Variants in FGF14 observed in about 807,000 individuals in gnomAD.
FGF14 encodes the protein fibroblast growth factor homologous factor 4.
Under a neutral mutation model 25.5 loss-of-function variants are expected in FGF14, and 5 were observed. That is an observed-to-expected ratio of 0.20 (90% CI 0.10 to 0.41). FGF14 has a LOEUF of 0.41. Among genes scored for constraint, FGF14 ranks in the 10% least tolerant of loss-of-function variants. The probability of loss-of-function intolerance (pLI) is 1.00; values close to 1 mark genes in which losing one functional copy is unlikely to be tolerated. For synonymous variants in FGF14, 138 were observed against 118.3 expected, an observed-to-expected ratio of 1.17 and a Z score of -1.08; for missense variants, 222 against 320.1, an observed-to-expected ratio of 0.69 and a Z score of 2.34.
At chr13:102,273,256 A>C (rs1403723539) in intron 1 of FGF14, among the ~76,000 whole-genome samples, 1 of 152,192 alleles carries the variant, frequency 6.6e-6, no homozygotes, top group Non-Finnish European at 1.5e-5. Flanking sequence ...AATAATAGCA[A>C]ACCACTGATC....
intron 1 of FGF14, among the ~76,000 whole-genome samples, chr13:102,126,506 T>A (rs2140389079): frequency 6.6e-6 from 1 of 152,338 alleles, no homozygotes; most frequent in Non-Finnish European, 1.5e-5. Context: ...TTGGCTACTG[T>A]GAATAATGCT....
intron 1 of FGF14, among the ~76,000 whole-genome samples, chr13:102,215,134 A>T (rs1269035085): frequency 6.6e-6 from 1 of 152,212 alleles, no homozygotes; most frequent in Non-Finnish European, 1.5e-5. Context: ...TTTGGTTCAT[A>T]TGCAAATTAT....
At chr13:102,268,497 T>C (rs946493950) in intron 1 of FGF14, among the ~76,000 whole-genome samples, 2 of 152,026 alleles carry the variant, frequency 1.3e-5, no homozygotes, top group African/African-American at 2.4e-5. Context: ...TATATACATA[T>C]ATAATGTTGT....
At chr13:101,985,627 G>A (rs558540792) in intron 1 of FGF14, among the ~76,000 whole-genome samples, 2 of 152,066 alleles carry the variant, frequency 1.3e-5, no homozygotes, top group East Asian at 3.9e-4. Flanking sequence ...AAGAGTCTAC[G>A]GTTGTAATAA....
chr13:102,072,783 A>G (rs1248142255), intron 1 of FGF14, among the ~76,000 whole-genome samples: 1 of 152,214 alleles, frequency 6.6e-6, no homozygotes, highest in Non-Finnish European at 1.5e-5. Context: ...AAAACAAAGA[A>G]GTTAGGAAAT....
At chr13:101,982,330 C>A (rs962314943) in intron 1 of FGF14, among the ~76,000 whole-genome samples, 3 of 152,094 alleles carry the variant, frequency 2.0e-5, no homozygotes, top group Admixed American at 6.6e-5. Flanking sequence ...CACAGAAATT[C>A]TTTCTCAAAT....
intron 3 of FGF14, among the ~76,000 whole-genome samples, chr13:101,861,407 T>C (rs1361336952): frequency 5.9e-5 from 9 of 152,146 alleles, no homozygotes; most frequent in African/African-American, 2.2e-4. Context: ...TACCTAGTTC[T>C]AAGCCAGTCT....
intron 1 of FGF14, among the ~76,000 whole-genome samples, chr13:102,109,577 AT>A (rs1207265835): frequency 1.3e-5 from 2 of 152,034 alleles, no homozygotes; most frequent in African/African-American, 4.8e-5. Context: ...ATTTTTTGTA[AT>A]TTTTAGCAGG....
intron 3 of FGF14, among the ~76,000 whole-genome samples, chr13:101,789,353 C>T (rs12865286): frequency 6.6e-6 from 1 of 152,030 alleles, no homozygotes; most frequent in African/African-American, 2.4e-5. Flanking sequence ...ATATTATCAA[C>T]TTTTCAGAGA....
chr13:102,068,162 A>T (rs920419558), intron 1 of FGF14, among the ~76,000 whole-genome samples: 4 of 152,252 alleles, frequency 2.6e-5, no homozygotes, highest in Non-Finnish European at 5.9e-5. Context: ...TGCTAAAGGT[A>T]GTTCTTCAAT....
chr13:101,830,766 G>A (rs1396727226), intron 3 of FGF14, among the ~76,000 whole-genome samples: 2 of 152,026 alleles, frequency 1.3e-5, no homozygotes, highest in African/African-American at 4.8e-5. Context: ...TCTATCAAGG[G>A]TCTCACTGGC....
chr13:102,183,630 A>G (rs1422900453), intron 1 of FGF14, among the ~76,000 whole-genome samples: 2 of 152,164 alleles, frequency 1.3e-5, no homozygotes, highest in Non-Finnish European at 2.9e-5. Flanking sequence ...TGGAAGGTGC[A>G]CTTAACCTTT....
intron 3 of FGF14, among the ~76,000 whole-genome samples, chr13:101,848,704 CAA>C (rs1294058223): frequency 1.3e-5 from 2 of 151,750 alleles, no homozygotes; most frequent in African/African-American, 4.8e-5. Flanking sequence ...AATATAAACC[CAA>C]AGAGAGAGGG....
intron 1 of FGF14, among the ~76,000 whole-genome samples, chr13:102,095,337 C>G (rs564127667): frequency 2.0e-5 from 3 of 152,046 alleles, no homozygotes; most frequent in African/African-American, 7.3e-5. Context: ...GAATCCGTGC[C>G]AGACAGTCAT....
intron 1 of FGF14, among the ~76,000 whole-genome samples, chr13:102,244,001 C>T (rs1238084049): frequency 6.6e-6 from 1 of 152,048 alleles, no homozygotes; most frequent in Non-Finnish European, 1.5e-5. Flanking sequence ...CTGTTCTGCA[C>T]TGGGATGCTT....
At chr13:101,916,364 A>T in intron 1 of FGF14, 89 bp downstream of exon 1, 1 of 1,520,924 alleles carries the variant, frequency 6.6e-7, no homozygotes, top group South Asian at 1.1e-5. Flanking sequence ...GGCCGGGAAA[A>T]CCGAGGGAGG....
chr13:102,145,007 A>C (rs1711895208), intron 1 of FGF14, among the ~76,000 whole-genome samples: 1 of 152,210 alleles, frequency 6.6e-6, no homozygotes, highest in Non-Finnish European at 1.5e-5. Context: ...ATATTTGAAA[A>C]ATAAATCCCT....
intron 2 of FGF14, among the ~76,000 whole-genome samples, chr13:101,873,654 G>T (rs1037607238): frequency 6.6e-6 from 1 of 152,012 alleles, no homozygotes; most frequent in Non-Finnish European, 1.5e-5. Context: ...GAGTTTAAGG[G>T]GAAAAGAAAC....
chr13:102,173,974 C>A (rs2048343565), intron 1 of FGF14, among the ~76,000 whole-genome samples: 1 of 151,910 alleles, frequency 6.6e-6, no homozygotes, highest in African/African-American at 2.4e-5. Context: ...AAAAGGCATC[C>A]AAATTGGAAA....
Sources: gnomAD v4.1 joint callset for allele counts (sites outside exome capture counted in the v4.1 genomes callset) on GRCh38, gnomAD v4.1.1 for gene constraint, MANE v1.5 for transcripts, NCBI Gene and HGNC (gene_info 2026-07-23, HGNC 2026-07-21) for gene names.